The following VPS13A variants were observed in gnomAD, a reference collection of about 807,000 sequenced individuals.
VPS13A encodes the protein vacuolar protein sorting 13 homolog A, also known as intermembrane lipid transfer protein VPS13A.
VPS13A carries 264 observed loss-of-function variants against 390.9 expected under a neutral mutation model. The observed-to-expected ratio is 0.68, with a 90% CI of 0.61 to 0.75. The LOEUF (loss-of-function observed/expected upper bound fraction) is 0.75. Among genes scored for constraint, VPS13A ranks in the 30% least tolerant of loss-of-function variants. The pLI is 0.00. For synonymous variants in VPS13A, 1,231 were observed against 1,227.1 expected, an observed-to-expected ratio of 1.00 and a Z score of -0.07; for missense variants, 3,409 against 3,733.9, an observed-to-expected ratio of 0.91 and a Z score of 2.27.
intron 58 of VPS13A, among the ~76,000 whole-genome samples, chr9:77,360,045 C>T (rs941388264): frequency 5.3e-5 from 8 of 152,088 alleles, no homozygotes; most frequent in Admixed American, 3.9e-4. Flanking sequence ...GTAATAATCT[C>T]CTGTCTAATT....
chr9:77,191,314 G>A (rs1195373666), intron 1 of VPS13A, among the ~76,000 whole-genome samples: 1 of 124,740 alleles, frequency 8.0e-6, no homozygotes, highest in Admixed American at 8.6e-5. Flanking sequence ...TTTTTTTTGA[G>A]ACAGGTTCTT....
intron 35 of VPS13A, 79 bp from the exon 36 acceptor site, chr9:77,313,913 T>C: frequency 1.4e-6 from 2 of 1,423,554 alleles, no homozygotes; most frequent in Non-Finnish European, 1.9e-6. Context: ...AATAATTCTA[T>C]TAAATCTATT....
chr9:77,400,318 A>G (rs986419832), intron 68 of VPS13A, among the ~76,000 whole-genome samples: 15 of 146,708 alleles, frequency 1.0e-4, no homozygotes, highest in Non-Finnish European at 1.6e-4. Context: ...GGTTTCTTCA[A>G]ATTGCTAGAA....
chr9:77,233,828 C>T (rs1019337099), intron 17 of VPS13A, among the ~76,000 whole-genome samples: 9 of 152,112 alleles, frequency 5.9e-5, no homozygotes, highest in Non-Finnish European at 8.8e-5. Context: ...GGAGAATGTT[C>T]CATGTGCTTG....
At chr9:77,384,658 A>G (rs777678905) in intron 68 of VPS13A, 2 of 1,604,298 alleles carry the variant, frequency 1.2e-6, no homozygotes, top group Admixed American at 1.7e-5. Context: ...GATGATGATG[A>G]TGATGAGTCA....
chr9:77,295,026 T>C (rs954351941), intron 32 of VPS13A, among the ~76,000 whole-genome samples: 3 of 152,120 alleles, frequency 2.0e-5, no homozygotes, highest in Non-Finnish European at 2.9e-5. Context: ...CTTGTACTTA[T>C]ACTTAGAAAT....
At chr9:77,384,923 G>A in intron 68 of VPS13A, 1 of 1,318,748 alleles carries the variant, frequency 7.6e-7, no homozygotes, top group South Asian at 1.7e-5. Context: ...ATATTTTATA[G>A]CTTTGTATTG....
intron 5 of VPS13A, among the ~76,000 whole-genome samples, chr9:77,206,662 A>G (rs899064361): frequency 1.3e-5 from 2 of 152,230 alleles, no homozygotes; most frequent in Admixed American, 6.5e-5. Flanking sequence ...ACTGCCAGCT[A>G]CTTTTTAAAC....
At chr9:77,346,804 A>G (rs1831182146) in intron 52 of VPS13A, among the ~76,000 whole-genome samples, 1 of 152,220 alleles carries the variant, frequency 6.6e-6, no homozygotes, top group African/African-American at 2.4e-5. Context: ...AGAAGACTGG[A>G]CAAAAGAATC....
intron 52 of VPS13A, among the ~76,000 whole-genome samples, chr9:77,345,612 T>C (rs1831106587): frequency 6.6e-6 from 1 of 152,230 alleles, no homozygotes; most frequent in Admixed American, 6.5e-5. Flanking sequence ...TTCAACATTA[T>C]TCATTTTATT....
At chr9:77,366,905 G>C in intron 61 of VPS13A, 33 bp downstream of exon 61, 1 of 1,602,690 alleles carries the variant, frequency 6.2e-7, no homozygotes, top group South Asian at 1.1e-5. Flanking sequence ...TAAATTGATG[G>C]AAATATTTCT....
chr9:77,217,142 AGGGTATGAAATAGGAATGCTAG>A (rs979119159), intron 10 of VPS13A, among the ~76,000 whole-genome samples: 1 of 152,144 alleles, frequency 6.6e-6, no homozygotes, highest in Non-Finnish European at 1.5e-5. Context: ...GAGGGAAAAG[AGGGTATGAAATAGGAATGCTAG>A]GGGAGTGAGA....
chr9:77,245,717 G>T (rs994874391), intron 19 of VPS13A, among the ~76,000 whole-genome samples: 1 of 152,144 alleles, frequency 6.6e-6, no homozygotes, highest in African/African-American at 2.4e-5. Flanking sequence ...AGATGACACA[G>T]TTTTGATAAC....
At chr9:77,302,368 C>CTTT (rs58598132) in intron 33 of VPS13A, among the ~76,000 whole-genome samples, 141 of 117,746 alleles carry the variant, frequency 1.2e-3, no homozygotes, top group African/African-American at 3.5e-3. Flanking sequence ...TATTTTTCCC[C>CTTT]TTTTTTTTTT....
chr9:77,213,816 C>T (rs1826107582), intron 9 of VPS13A, among the ~76,000 whole-genome samples: 1 of 151,324 alleles, frequency 6.6e-6, no homozygotes, highest in Non-Finnish European at 1.5e-5. Flanking sequence ...ACCTGCAAAT[C>T]TAAATAGCTC....
chr9:77,332,030 C>T lies in VPS13A; in HGVS notation c.6012C>T (p.Val2004=). The change falls in exon 46 of 72, where the codon GTC becomes GTT. Residue 2004 remains valine (V), a synonymous_variant. Coordinates refer to ENST00000360280, the MANE Select transcript of VPS13A (RefSeq NM_033305.3). ...SPVQIRNHFS[V]PLSVYEGDTL... is the part of the protein sequence containing the mutation. ...CCCAGATAAGAAATCATTTTTCAGT[C>T]CCACTGTCTGTTTACGAAGGGGATA... 1 of 1,610,494 alleles carries T rather than the reference C, an allele frequency of 6.2e-7. No individual in the cohort carries two copies. The highest frequency in any genetic ancestry group is 8.5e-7 in the Non-Finnish European group (1 of 1,177,364).
intron 16 of VPS13A, 104 bp from the exon 17 acceptor site, chr9:77,228,018 C>G: frequency 1.2e-6 from 1 of 863,072 alleles, no homozygotes; most frequent in South Asian, 3.0e-5. Context: ...AATAAAATGT[C>G]CTTAAAATAT....
rs778370727 is a variant in VPS13A at position 77,273,273 on chromosome 9, C to T, written c.2428-7C>T. The T allele has an allele frequency of 6.2e-7, 1 of 1,604,626 alleles. No homozygotes were observed. The highest frequency in any genetic ancestry group is 8.5e-7 in the Non-Finnish European group (1 of 1,173,216). ...TGCTAATCAACATTGAATTACTTTT[C>T]TTTCAGATTCAAACATCTACTTCTT... On this transcript the variant is annotated splice_polypyrimidine_tract_variant and splice_region_variant and intron_variant, in intron 23 of 71. Transcript: ENST00000360280.
At chr9:77,280,296 T>A in intron 27 of VPS13A, 58 bp downstream of exon 27, 1 of 1,408,338 alleles carries the variant, frequency 7.1e-7, no homozygotes, top group South Asian at 1.2e-5. Flanking sequence ...AAATGTTAAG[T>A]TTTGTAAGTT....
Sources: allele counts gnomAD v4.1 joint callset (sites outside exome capture counted in the v4.1 genomes callset), GRCh38; gene constraint gnomAD v4.1.1; transcripts MANE v1.5; gene names NCBI Gene and HGNC (gene_info 2026-07-23, HGNC 2026-07-21).